The following RFTN1 variants were observed in gnomAD, a reference collection of about 807,000 sequenced individuals.
RFTN1 encodes raftlin, lipid raft linker 1.
A neutral mutation model predicts 46.5 loss-of-function variants in RFTN1; 26 were observed. That is an observed-to-expected ratio of 0.56 (90% CI 0.41 to 0.78). The LOEUF (loss-of-function observed/expected upper bound fraction) is 0.78, where lower values mean the gene tolerates loss of function less well. Among genes scored for constraint, RFTN1 ranks in the 30% least tolerant of loss-of-function variants. The pLI, the probability that RFTN1 is intolerant of heterozygous loss-of-function variation, is 0.00. For synonymous variants in RFTN1, 261 were observed against 284.2 expected, an observed-to-expected ratio of 0.92 and a Z score of 0.82; for missense variants, 693 against 718.7, an observed-to-expected ratio of 0.96 and a Z score of 0.41.
At chr3:16,511,107 C>T (rs2076894285) in intron 1 of RFTN1, among the ~76,000 whole-genome samples, 1 of 152,092 alleles carries the variant, frequency 6.6e-6, no homozygotes, top group Non-Finnish European at 1.5e-5. Flanking sequence ...GCAGTGGTTG[C>T]CACTGAGAGG....
At position 16,499,459 on chromosome 3, in the gene RFTN1, G is replaced by A. The variant is rs147817763; in HGVS notation, c.-8-5582C>T. Among the ~76,000 whole-genome samples the A allele has an allele frequency of 5.6e-3, 859 of 152,330 alleles. 9 individuals carry two copies. The highest frequency in any genetic ancestry group is 0.041 in the Middle Eastern group (12 of 294). On this transcript the variant is annotated intron_variant, in intron 1 of 9. Transcript: ENST00000334133. The surrounding 1 kb of genome is among the most constrained non-coding windows in gnomAD (Gnocchi z 4.9). Reference sequence around the variant, plus strand: ...AGCCCCAAAGAGGGGCCCATGTGGAGAGGAACCGACAGCCAGGACCAACTT... The same window carrying A: ...AGCCCCAAAGAGGGGCCCATGTGGAAAGGAACCGACAGCCAGGACCAACTT...
In RFTN1 at chr3:16,447,008, C is replaced by T. The variant is rs1239696213; in HGVS notation, c.146-12971G>A. 6.6e-6 allele frequency among the ~76,000 whole-genome samples: 1 copy of T among 152,070 alleles called. No individual in the cohort carries two copies. The highest frequency in any genetic ancestry group is 1.5e-5 in the Non-Finnish European group (1 of 68,018). Reference sequence around the variant, plus strand: ...AAGAGGCTTATGACAGAATAAATTCCACACTCTGGGGGCTTGGCACAACTT... The same window carrying T: ...AAGAGGCTTATGACAGAATAAATTCTACACTCTGGGGGCTTGGCACAACTT... On this transcript the variant is annotated intron_variant, in intron 2 of 9. Coordinates refer to ENST00000334133, the MANE Select transcript of RFTN1 (RefSeq NM_015150.2). This position sits in a 1 kb window ranked among gnomAD's most constrained non-coding sequence, Gnocchi z 5.9.
chr3:16,408,024 A>G (rs1236716725), intron 4 of RFTN1, among the ~76,000 whole-genome samples: 1 of 152,168 alleles, frequency 6.6e-6, no homozygotes, highest in East Asian at 1.9e-4. Flanking sequence ...GGACAGCCTA[A>G]TCATTTTACT....
chr3:16,327,093 A>G lies in RFTN1; in HGVS notation c.1147-217T>C, dbSNP rs146192699. ...CTTCTGGGCCCCATTTCAGTCTGTGATGTCAGCAAGGAATTACAGCCAAAA... is the reference window on the plus strand; with the variant it reads ...CTTCTGGGCCCCATTTCAGTCTGTGGTGTCAGCAAGGAATTACAGCCAAAA... On this transcript the variant is annotated intron_variant, in intron 7 of 9. Transcript: ENST00000334133. This position sits in a 1 kb window ranked among gnomAD's most constrained non-coding sequence, Gnocchi z 4.2. 1.3e-3 allele frequency among the ~76,000 whole-genome samples: 204 copies of G among 152,340 alleles called. No homozygotes were observed. The highest frequency in any genetic ancestry group is 4.7e-3 in the African/African-American group (197 of 41,574).
intron 4 of RFTN1, among the ~76,000 whole-genome samples, chr3:16,403,288 G>A (rs1393226434): frequency 1.3e-5 from 2 of 151,934 alleles, no homozygotes; most frequent in Non-Finnish European, 2.9e-5. Context: ...CCAACAGGCT[G>A]GGTTCATATC....
At chr3:16,486,563 T>C (rs2076450090) in intron 2 of RFTN1, among the ~76,000 whole-genome samples, 1 of 152,212 alleles carries the variant, frequency 6.6e-6, no homozygotes, top group Admixed American at 6.5e-5. Flanking sequence ...TCTTCTCCCA[T>C]CTTTTGCCTG....
chr3:16,403,645 T>C (rs2074670250), intron 4 of RFTN1, among the ~76,000 whole-genome samples: 1 of 49,188 alleles, frequency 2.0e-5, no homozygotes, highest in African/African-American at 8.4e-5. Flanking sequence ...ATATATAATA[T>C]ATATATAATA....
At chr3:16,328,214 C>T (rs1220077238) in intron 7 of RFTN1, among the ~76,000 whole-genome samples, 1 of 152,210 alleles carries the variant, frequency 6.6e-6, no homozygotes, top group Non-Finnish European at 1.5e-5. Flanking sequence ...GAGATCCCAG[C>T]CACAGTCAAA....
At chr3:16,444,214 T>C (rs1471184113) in intron 2 of RFTN1, among the ~76,000 whole-genome samples, 2 of 152,206 alleles carry the variant, frequency 1.3e-5, no homozygotes, top group Non-Finnish European at 2.9e-5. Context: ...GTATGATAGC[T>C]GGCATTCTTG....
At position 16,410,796 on chromosome 3, in the gene RFTN1, C is replaced by T. The variant is rs1360392697; in HGVS notation, c.333-1313G>A. ...TGTGATACAGCACAGTTCAAAACTGCACCCATTCAGGAGAGCCAGCAGCAA... is the reference window on the plus strand; with the variant it reads ...TGTGATACAGCACAGTTCAAAACTGTACCCATTCAGGAGAGCCAGCAGCAA... On this transcript the variant is annotated intron_variant, in intron 3 of 9. Transcript: ENST00000334133. This position sits in a 1 kb window ranked among gnomAD's most constrained non-coding sequence, Gnocchi z 4.6. Among the ~76,000 whole-genome samples, 2 of 152,192 alleles carry T rather than the reference C, an allele frequency of 1.3e-5. No homozygotes were observed. The highest frequency in any genetic ancestry group is 4.8e-5 in the African/African-American group (2 of 41,432).
rs114241192 is a variant in RFTN1 at position 16,400,125 on chromosome 3, G to A, written c.441+9250C>T. On this transcript the variant is annotated intron_variant, in intron 4 of 9. Coordinates refer to ENST00000334133, the MANE Select transcript of RFTN1 (RefSeq NM_015150.2). The surrounding 1 kb of genome is among the most constrained non-coding windows in gnomAD (Gnocchi z 4.5). ...AGCTTTGCACTACACTTAGGATAAA[G>A]GGCCCCATCCTCAGCCTGGCCTGCA... Among the ~76,000 whole-genome samples the A allele has an allele frequency of 1.6e-3, 243 of 152,266 alleles. No individual in the cohort carries two copies. Among genetic ancestry groups the A allele is most frequent in the African/African-American group, 5.1e-3 (212 of 41,538 alleles).
intron 1 of RFTN1, among the ~76,000 whole-genome samples, chr3:16,496,519 A>G (rs1175510276): frequency 5.3e-5 from 8 of 152,238 alleles, no homozygotes; most frequent in Non-Finnish European, 1.0e-4. Flanking sequence ...TGAAGGGAAG[A>G]CCACAGTGAG....
In RFTN1 at chr3:16,506,250, T is replaced by C. The variant is rs1452461997; in HGVS notation, c.-9+7192A>G. On this transcript the variant is annotated intron_variant, in intron 1 of 9. Coordinates refer to ENST00000334133, the MANE Select transcript of RFTN1 (RefSeq NM_015150.2). The surrounding 1 kb of genome is among the most constrained non-coding windows in gnomAD (Gnocchi z 4.8). ...GGGGAGGGTGGGCTAGGCAAGGCAG[T>C]GGCAGGTGCAAACAAGCTGGGGTGT... 6.6e-6 allele frequency among the ~76,000 whole-genome samples: 1 copy of C among 152,020 alleles called. No homozygotes were observed. Among genetic ancestry groups the C allele is most frequent in the Non-Finnish European group, 1.5e-5 (1 of 68,010 alleles).
At position 16,512,035 on chromosome 3, in the gene RFTN1, A is replaced by G. The variant is rs2076909826; in HGVS notation, c.-9+1407T>C. Among the ~76,000 whole-genome samples, 1 of 152,162 alleles carries G rather than the reference A, an allele frequency of 6.6e-6. No homozygotes were observed. Among genetic ancestry groups the G allele is most frequent in the Admixed American group, 6.5e-5 (1 of 15,270 alleles). On this transcript the variant is annotated intron_variant, in intron 1 of 9. Transcript: ENST00000334133. This position sits in a 1 kb window ranked among gnomAD's most constrained non-coding sequence, Gnocchi z 4.3. The stretch of plus-strand genomic sequence containing the variant: ...GAAGGCAAAAGAGGATGCAGAGCTC[A>G]GTCTGAGGTTAGAGTGATTTCACTG...
At position 16,503,000 on chromosome 3, in the gene RFTN1, C is replaced by T. The variant is rs561873795; in HGVS notation, c.-8-9123G>A. Among the ~76,000 whole-genome samples, 241 of 152,268 alleles carry T rather than the reference C, an allele frequency of 1.6e-3. 2 individuals are homozygous for T. Among genetic ancestry groups the T allele is most frequent in the African/African-American group, 5.5e-3 (230 of 41,552 alleles). On this transcript the variant is annotated intron_variant, in intron 1 of 9. Coordinates refer to ENST00000334133, the MANE Select transcript of RFTN1 (RefSeq NM_015150.2). ...GAGTGGTTGAGAGCTGACTCTTCAG[C>T]GGCCAAGTTTTGGTGTAATTTGTTA... is the stretch of plus-strand genomic sequence containing the variant.
At chr3:16,357,759 G>C (rs2072546551) in intron 7 of RFTN1, among the ~76,000 whole-genome samples, 173 bp downstream of exon 7, 3 of 152,110 alleles carry the variant, frequency 2.0e-5, no homozygotes, top group African/African-American at 7.2e-5. Flanking sequence ...CCTACCTGGG[G>C]GTGGGAAAAG....
chr3:16,403,458 TGAG>T (rs1485239762), intron 4 of RFTN1, among the ~76,000 whole-genome samples: 1 of 148,006 alleles, frequency 6.8e-6, no homozygotes, highest in Non-Finnish European at 1.5e-5. Context: ...GCCTAACGCA[TGAG>T]GAGGATTCCC....
chr3:16,511,843 A>C (rs372397070), intron 1 of RFTN1, among the ~76,000 whole-genome samples: 3 of 152,156 alleles, frequency 2.0e-5, no homozygotes, highest in South Asian at 2.1e-4. Flanking sequence ...CCTGTACCAA[A>C]TCTACTAGCT....
chr3:16,415,641 G>A (rs1451200490), intron 3 of RFTN1, among the ~76,000 whole-genome samples: 5 of 151,822 alleles, frequency 3.3e-5, no homozygotes, highest in Non-Finnish European at 7.4e-5. Context: ...AGAGGGTGGG[G>A]TGAAAAGAGG....
Sources: gnomAD v4.1 joint callset for allele counts (sites outside exome capture counted in the v4.1 genomes callset) on GRCh38, gnomAD v4.1.1 for gene constraint, Gnocchi (gnomAD v3.1) non-coding constraint, MANE v1.5 for transcripts, NCBI Gene and HGNC (gene_info 2026-07-23, HGNC 2026-07-21) for gene names.